The following OSBPL10 variants were observed in gnomAD, a reference collection of about 807,000 sequenced individuals.
The protein encoded by OSBPL10 is oxysterol-binding protein-related protein 10.
A neutral mutation model predicts 81.7 loss-of-function variants in OSBPL10; 49 were observed. The ratio of observed to expected loss-of-function variants is 0.60; its 90% confidence interval spans 0.48 to 0.76. The LOEUF (loss-of-function observed/expected upper bound fraction) is 0.76. Among genes scored for constraint, OSBPL10 ranks in the 30% least tolerant of loss-of-function variants. The probability of loss-of-function intolerance (pLI) is 0.00; values close to 1 mark genes in which losing one functional copy is unlikely to be tolerated. For synonymous variants in OSBPL10, 419 were observed against 383.6 expected, an observed-to-expected ratio of 1.09 and a Z score of -1.08; for missense variants, 923 against 987.8, an observed-to-expected ratio of 0.93 and a Z score of 0.88.
chr3:31,695,278 C>T (rs897022175), intron 7 of OSBPL10, among the ~76,000 whole-genome samples: 4 of 152,140 alleles, frequency 2.6e-5, no homozygotes, highest in African/African-American at 7.2e-5. Flanking sequence ...AGACTAAATC[C>T]TCTGAGAAAT....
chr3:31,770,635 A>AG (rs1698352543), intron 4 of OSBPL10, among the ~76,000 whole-genome samples: 2 of 152,114 alleles, frequency 1.3e-5, no homozygotes, highest in African/African-American at 4.8e-5. Flanking sequence ...AAAAATACAA[A>AG]ATTAGCCGGG....
chr3:31,663,285 A>G (rs1424940170), intron 11 of OSBPL10: 2 of 985,200 alleles, frequency 2.0e-6, no homozygotes, highest in African/African-American at 1.7e-5. Flanking sequence ...CTGGCTCCTC[A>G]TGAACAACTA....
intron 7 of OSBPL10, among the ~76,000 whole-genome samples, chr3:31,698,132 A>G (rs1695785621): frequency 6.6e-6 from 1 of 151,832 alleles, no homozygotes; most frequent in Admixed American, 6.6e-5. Flanking sequence ...TCTATTTTTC[A>G]CAGCAGAGTC....
chr3:31,857,686 T>C (rs1025971097), intron 3 of OSBPL10, among the ~76,000 whole-genome samples: 11 of 103,312 alleles, frequency 1.1e-4, no homozygotes, highest in African/African-American at 2.9e-4. Context: ...TAAATCCCTA[T>C]ATACTTTCAA....
At chr3:31,989,000 A>C (rs1698983227) in intron 2 of OSBPL10, 1 of 1,554,542 alleles carries the variant, frequency 6.4e-7, no homozygotes, top group African/African-American at 1.4e-5. Flanking sequence ...TGTTTCTCGG[A>C]AACAGATAAC....
chr3:31,918,409 G>A (rs909300970), intron 1 of OSBPL10, among the ~76,000 whole-genome samples: 1 of 151,434 alleles, frequency 6.6e-6, no homozygotes, highest in African/African-American at 2.4e-5. Context: ...GCTCACTGTA[G>A]CCTCGAACTC....
chr3:31,989,845 A>G, intron 2 of OSBPL10: 1 of 1,614,192 alleles, frequency 6.2e-7, no homozygotes, highest in Admixed American at 1.7e-5. Flanking sequence ...TTTAGGAGGG[A>G]AACAATATAA....
Position 32,065,999 on chromosome 3 carries a change from GAAAGAAAGAGAA to G in OSBPL10, n.185+11385_185+11396del, listed in dbSNP as rs1307666607. 3.1e-3 allele frequency among the ~76,000 whole-genome samples: 185 copies of G among 58,984 alleles called. 6 individuals are homozygous for G. Among genetic ancestry groups the G allele is most frequent in the African/African-American group, 6.9e-3 (176 of 25,650 alleles). The allele number at this position is 58,984 out of a possible 152,430, so 38.7% of individuals were successfully genotyped here. ...AGAAAGAAAGAAAGAAAGAAAGAAA[GAAAGAAAGAGAA>G]AGAAAGAAAGAAAGAGAGAGAGAGA... On this transcript the variant is annotated intron_variant and non_coding_transcript_variant, in intron 1 of 3. Coordinates refer to the OSBPL10 transcript ENST00000479173.
rs1575094856 is a variant in OSBPL10 at position 32,063,190 on chromosome 3, A to G, written n.185+14206T>C. Among the ~76,000 whole-genome samples, 2 of 93,184 alleles carry G rather than the reference A, an allele frequency of 2.1e-5. 1 individual carries two copies. Among genetic ancestry groups the G allele is most frequent in the East Asian group, 5.0e-4 (2 of 4,000 alleles). 61.1% of individuals were successfully genotyped at this position (93,184 alleles called of 152,430 possible). On this transcript the variant is annotated intron_variant and non_coding_transcript_variant, in intron 1 of 3. Transcript: ENST00000479173. ...CATGTTTCAAGAGTAGAATAACACA[A>G]TGTTACATTCCCCCTGGAGGAGGAA...
At chr3:31,761,193 G>A (rs895412011) in intron 4 of OSBPL10, among the ~76,000 whole-genome samples, 4 of 152,114 alleles carry the variant, frequency 2.6e-5, no homozygotes, top group African/African-American at 2.4e-5. Flanking sequence ...AGAAGTTTCC[G>A]CCAGGCGCGG....
intron 2 of OSBPL10, chr3:31,990,089 C>T (rs1699003482): frequency 1.9e-6 from 3 of 1,611,484 alleles, no homozygotes; most frequent in Admixed American, 1.7e-5. Flanking sequence ...AGAATTCATA[C>T]TGGAGAGAAA....
intron 3 of OSBPL10, among the ~76,000 whole-genome samples, chr3:31,848,209 A>T (rs1455117363): frequency 6.6e-6 from 1 of 150,984 alleles, no homozygotes; most frequent in Non-Finnish European, 1.5e-5. Context: ...CTCCGGCACA[A>T]CCCCTTGTGG....
At chr3:31,745,737 A>G (rs1443012913) in intron 5 of OSBPL10, among the ~76,000 whole-genome samples, 2 of 152,228 alleles carry the variant, frequency 1.3e-5, no homozygotes, top group African/African-American at 4.8e-5. Context: ...AACGATGGGC[A>G]TAATCATACC....
chr3:31,882,700 G>A (rs959578473), intron 1 of OSBPL10, among the ~76,000 whole-genome samples: 2 of 152,110 alleles, frequency 1.3e-5, no homozygotes, highest in Non-Finnish European at 2.9e-5. Context: ...CTGGAATGGA[G>A]ACAACCTACA....
chr3:31,664,304 A>C lies in OSBPL10; in HGVS notation c.2097-72T>G, dbSNP rs891871005. 2.6e-5 allele frequency: 40 copies of C among 1,519,670 alleles called. No individual in the cohort carries two copies. The Middle Eastern group carries it at 1.4e-3, about 53-fold the overall frequency. The allele number at this position is 1,519,670 out of a possible 1,614,324, so 94.1% of individuals were successfully genotyped here. ...TGCAAGCTAACGGAACTCTGCCAGGAGCAGCCAGAGCAGCGAGGGGCCGCC... is the reference window on the plus strand; with the variant it reads ...TGCAAGCTAACGGAACTCTGCCAGGCGCAGCCAGAGCAGCGAGGGGCCGCC... On this transcript the variant is annotated intron_variant, in intron 10 of 11. Transcript: ENST00000396556.
At chr3:31,791,880 CCAATT>C (rs1317825829) in intron 4 of OSBPL10, among the ~76,000 whole-genome samples, 3 of 151,790 alleles carry the variant, frequency 2.0e-5, no homozygotes, top group Admixed American at 1.3e-4. Context: ...ACAGATTACT[CCAATT>C]CAATCAATTT....
intron 4 of OSBPL10, among the ~76,000 whole-genome samples, chr3:31,817,399 A>C (rs941758172): frequency 1.3e-5 from 2 of 152,198 alleles, no homozygotes; most frequent in Non-Finnish European, 2.9e-5. Context: ...GGTACAAGGG[A>C]GGCCCTTCCT....
intron 1 of OSBPL10, among the ~76,000 whole-genome samples, chr3:31,912,133 C>T (rs975184272): frequency 6.6e-6 from 1 of 151,840 alleles, no homozygotes; most frequent in Non-Finnish European, 1.5e-5. Flanking sequence ...CAGTGGCTCA[C>T]GCCTGTAATC....
At chr3:31,969,758 G>A (rs1357579130) in intron 1 of OSBPL10, among the ~76,000 whole-genome samples, 5 of 152,142 alleles carry the variant, frequency 3.3e-5, no homozygotes, top group African/African-American at 9.7e-5. Context: ...CGGAGGCTAA[G>A]GCAGGAGAAT....
Sources: allele counts gnomAD v4.1 joint callset (sites outside exome capture counted in the v4.1 genomes callset), GRCh38; gene constraint gnomAD v4.1.1; transcripts MANE v1.5; gene names NCBI Gene and HGNC (gene_info 2026-07-23, HGNC 2026-07-21).